Variants in TMEM132D observed in about 807,000 individuals in gnomAD.
TMEM132D encodes the protein transmembrane protein 132D.
TMEM132D carries 21 observed loss-of-function variants against 62.3 expected under a neutral mutation model. The ratio of observed to expected loss-of-function variants is 0.34; its 90% CI spans 0.24 to 0.49. The LOEUF (loss-of-function observed/expected upper bound fraction) is 0.49. Ranked by LOEUF, TMEM132D falls within the 20% of genes least tolerant of loss-of-function variation. The pLI, the probability that TMEM132D is intolerant of heterozygous loss-of-function variation, is 0.99. For missense variants in TMEM132D, 1,346 were observed against 1,402.8 expected (o/e 0.96, Z 0.65); for synonymous variants, 621 against 575.6 (o/e 1.08, Z -1.13).
At chr12:129,227,829 A>T (rs1480685991) in intron 4 of TMEM132D, among the ~76,000 whole-genome samples, 1 of 151,938 alleles carries the variant, frequency 6.6e-6, no homozygotes, top group East Asian at 1.9e-4. Context: ...ATTCCCACCT[A>T]TGAGTGAGAA....
Position 129,337,694 on chromosome 12 carries a change from C to G in TMEM132D, c.1239G>C (p.Leu413Phe), listed in dbSNP as rs899591497. 2.5e-6 allele frequency: 4 copies of G among 1,614,100 alleles called. No individual in the cohort carries two copies. The highest frequency in any genetic ancestry group is 1.3e-5 in the African/African-American group (1 of 74,952). ...GGCTCACATAGATCTTGGACACTCC[C>G]AAGTCAGACGTGATCTCTCCGGGGT... ...VEYPGEITSD[L>F]GVSKIYVSPK... is the part of the protein sequence containing the mutation. Residue 413 changes from leucine to phenylalanine, a missense_variant, in exon 4 of 9, where the codon TTG (leucine) becomes TTC (phenylalanine). Leu to Phe is a conservative substitution (Grantham distance 22, BLOSUM62 0). Transcript: ENST00000422113.
At chr12:129,625,245 T>C (rs2137162721) in intron 2 of TMEM132D, among the ~76,000 whole-genome samples, 1 of 152,364 alleles carries the variant, frequency 6.6e-6, no homozygotes, top group East Asian at 1.9e-4. Context: ...ATTTTCTCGA[T>C]ACTACTTAGC....
intron 1 of TMEM132D, among the ~76,000 whole-genome samples, chr12:129,831,869 T>C (rs1358669236): frequency 3.3e-5 from 2 of 60,606 alleles, no homozygotes; most frequent in Admixed American, 4.7e-4. Flanking sequence ...TTTCTTTCTT[T>C]CTTTTTCTTT....
At chr12:129,121,593 A>G (rs933106235) in intron 5 of TMEM132D, among the ~76,000 whole-genome samples, 3 of 152,196 alleles carry the variant, frequency 2.0e-5, no homozygotes, top group Non-Finnish European at 4.4e-5. Flanking sequence ...GGGGCCCCCG[A>G]GCCCAGGAAT....
At chr12:129,160,125 G>A (rs1877359503) in intron 5 of TMEM132D, among the ~76,000 whole-genome samples, 1 of 152,230 alleles carries the variant, frequency 6.6e-6, no homozygotes, top group African/African-American at 2.4e-5. Context: ...TTGTGTTTCT[G>A]AGGAATCTAT....
At chr12:129,634,930 G>C (rs1879440203) in intron 2 of TMEM132D, among the ~76,000 whole-genome samples, 1 of 152,096 alleles carries the variant, frequency 6.6e-6, no homozygotes, top group Non-Finnish European at 1.5e-5. Flanking sequence ...TGAGGAACTA[G>C]AACCATTTTG....
intron 2 of TMEM132D, among the ~76,000 whole-genome samples, chr12:129,559,488 C>T (rs1047412789): frequency 2.6e-5 from 4 of 152,178 alleles, no homozygotes; most frequent in Non-Finnish European, 4.4e-5. Flanking sequence ...TGGGAAGACG[C>T]TGGTTATTTT....
At chr12:129,188,340 T>C (rs1878277436) in intron 5 of TMEM132D, among the ~76,000 whole-genome samples, 1 of 152,196 alleles carries the variant, frequency 6.6e-6, no homozygotes, top group South Asian at 2.1e-4. Context: ...CACCAACGTA[T>C]GCATGAGGAC....
chr12:129,315,562 A>AT (rs1868459944), intron 4 of TMEM132D, among the ~76,000 whole-genome samples: 1 of 152,106 alleles, frequency 6.6e-6, no homozygotes, highest in Non-Finnish European at 1.5e-5. Context: ...TTTGTTAAGG[A>AT]TTTTAGCATC....
intron 2 of TMEM132D, among the ~76,000 whole-genome samples, chr12:129,641,700 C>T (rs141056329): frequency 6.6e-6 from 1 of 152,212 alleles, no homozygotes; most frequent in African/African-American, 2.4e-5. Context: ...GACATGGAGC[C>T]CTGAGACTCC....
At chr12:129,208,050 G>C (rs1194466469) in intron 5 of TMEM132D, among the ~76,000 whole-genome samples, 1 of 152,188 alleles carries the variant, frequency 6.6e-6, no homozygotes, top group Non-Finnish European at 1.5e-5. Context: ...AGCCTGAGGG[G>C]CCGAGCAGAG....
At chr12:129,231,160 C>T (rs903074256) in intron 4 of TMEM132D, among the ~76,000 whole-genome samples, 7 of 152,202 alleles carry the variant, frequency 4.6e-5, no homozygotes, top group Admixed American at 1.3e-4. Flanking sequence ...CAACACAAAG[C>T]CTAGGGCTAA....
intron 1 of TMEM132D, among the ~76,000 whole-genome samples, chr12:129,801,035 T>A (rs1290337971): frequency 6.6e-6 from 1 of 152,072 alleles, no homozygotes; most frequent in Non-Finnish European, 1.5e-5. Context: ...CACCAGGAGA[T>A]TATATCCCGC....
chr12:129,242,193 T>A (rs1879955771), intron 4 of TMEM132D, among the ~76,000 whole-genome samples: 2 of 152,244 alleles, frequency 1.3e-5, no homozygotes, highest in Admixed American at 1.3e-4. Flanking sequence ...GTTTTACAAC[T>A]TCTCTCATTG....
intron 2 of TMEM132D, among the ~76,000 whole-genome samples, chr12:129,601,244 T>G (rs895885879): frequency 2.6e-5 from 4 of 152,202 alleles, no homozygotes; most frequent in Non-Finnish European, 4.4e-5. Flanking sequence ...TTCTTCAGCT[T>G]CCTCATTGCC....
rs542485644 is a variant in TMEM132D at position 129,211,450 on chromosome 12, T to A, written c.1300-1787A>T. ...TTTTGAGAGATGAGCTTGCAAAGAT[T>A]CTTGTTACTTTGATTCTCATGTGAA... On this transcript the variant is annotated intron_variant, in intron 4 of 8. Transcript: ENST00000422113. 1.4e-3 allele frequency among the ~76,000 whole-genome samples: 209 copies of A among 152,350 alleles called. 2 individuals carry two copies. Among genetic ancestry groups the A allele is most frequent in the African/African-American group, 4.6e-3 (193 of 41,594 alleles).
chr12:129,692,413 C>T (rs945326845), intron 2 of TMEM132D, among the ~76,000 whole-genome samples: 3 of 151,108 alleles, frequency 2.0e-5, no homozygotes, highest in Non-Finnish European at 2.9e-5. Flanking sequence ...TGTGAATTTG[C>T]CTAAGTTCCT....
Position 129,398,834 on chromosome 12 carries a change from T to TCATCCATC in TMEM132D, c.1116-61025_1116-61018dup, listed in dbSNP as rs138005852. Among the ~76,000 whole-genome samples, 389 of 71,322 alleles carry TCATCCATC rather than the reference T, an allele frequency of 5.5e-3. 5 individuals are homozygous for TCATCCATC. The highest frequency in any genetic ancestry group is 9.2e-3 in the Non-Finnish European group (260 of 28,112). 46.8% of individuals were successfully genotyped at this position (71,322 alleles called of 152,430 possible). A position where few individuals can be genotyped will look rare whatever the true frequency, so the allele number is the denominator to read the frequency against. ...AGACAATGCATATCTATTTATGTAT[T>TCATCCATC]CATCCATCCATCCATCCATCCATCC... is the stretch of plus-strand genomic sequence containing the variant. On this transcript the variant is annotated intron_variant, in intron 3 of 8. Transcript: ENST00000422113.
At chr12:129,424,655 C>G (rs1872436658) in intron 3 of TMEM132D, among the ~76,000 whole-genome samples, 1 of 125,504 alleles carries the variant, frequency 8.0e-6, no homozygotes. Flanking sequence ...TTGCAGTGAG[C>G]TGAGATCACG....
Sources: allele counts gnomAD v4.1 joint callset (sites outside exome capture counted in the v4.1 genomes callset), GRCh38; gene constraint gnomAD v4.1.1; transcripts MANE v1.5; gene names NCBI Gene and HGNC (gene_info 2026-07-23, HGNC 2026-07-21).